Variants in RBSN observed in about 807,000 individuals in gnomAD.
The protein encoded by RBSN is rabenosyn, RAB effector.
RBSN carries 34 observed loss-of-function variants against 60.5 expected under a neutral mutation model. The observed-to-expected ratio is 0.56, with a 90% CI of 0.43 to 0.75. RBSN has a LOEUF of 0.75. Ranked by LOEUF, RBSN falls within the 30% of genes least tolerant of loss-of-function variation. RBSN has a pLI of 0.00. For missense variants in RBSN, 845 were observed against 986.8 expected (o/e 0.86, Z 1.92); for synonymous variants, 322 against 366.9 (o/e 0.88, Z 1.40).
chr3:15,083,673 C>T (rs2043263724), intron 8 of RBSN, among the ~76,000 whole-genome samples: 1 of 152,126 alleles, frequency 6.6e-6, no homozygotes, highest in Non-Finnish European at 1.5e-5. Context: ...TCTTGAACAT[C>T]ACCTCCCAGC....
At chr3:15,095,837 C>A in intron 4 of RBSN, 136 bp downstream of exon 4, 3 of 1,150,104 alleles carry the variant, frequency 2.6e-6, no homozygotes, top group Admixed American at 2.3e-5. Context: ...AAACGCCTGG[C>A]ACATGACAAA....
chr3:15,075,152 G>T, intron 13 of RBSN: 1 of 608,582 alleles, frequency 1.6e-6, no homozygotes, highest in South Asian at 2.1e-5. Context: ...GAATAAGTTA[G>T]GGCATCAGAT....
At position 15,084,749 on chromosome 3, in the gene RBSN, CTGA is replaced by C; in HGVS notation, c.581_583del (p.Ile194del). ...AAGTCACCTACTTGCCAAGGGAAGG[CTGA>C]TGAGCTCCATACACTTCTTGCACAT... On this transcript the variant is annotated inframe_deletion, in exon 8 of 14. Coordinates refer to ENST00000253699, the MANE Select transcript of RBSN (RefSeq NM_022340.4). The surrounding 1 kb of genome is among the most constrained non-coding windows in gnomAD (Gnocchi z 4.2). The C allele has an allele frequency of 6.3e-7, 1 of 1,599,790 alleles. No homozygotes were observed. Among genetic ancestry groups the C allele is most frequent in the Non-Finnish European group, 8.5e-7 (1 of 1,174,124 alleles).
At position 15,084,445 on chromosome 3, in the gene RBSN, TAAAGAA is replaced by T. The variant is rs72132432; in HGVS notation, c.598+284_598+289del. Among the ~76,000 whole-genome samples the T allele has an allele frequency of 0.053, 8,029 of 152,230 alleles. 247 individuals carry two copies. The highest frequency in any genetic ancestry group is 0.13 in the East Asian group (653 of 5,182). ...GTGTTCACATTTTTAAAAGGTTGTTTAAAGAAAGAAGAAATGTCACAGCAACCATAT... is the reference window on the plus strand; with the variant it reads ...GTGTTCACATTTTTAAAAGGTTGTTTAGAAGAAATGTCACAGCAACCATAT... On this transcript the variant is annotated intron_variant, in intron 8 of 13. Transcript: ENST00000253699. This position sits in a 1 kb window ranked among gnomAD's most constrained non-coding sequence, Gnocchi z 4.2.
Position 15,082,753 on chromosome 3 carries a change from C to T in RBSN, c.599-145G>A. ...CTGTGGGCACGTACTGCCCCTCTGCCTTCCTGGTGTCAGACTCTGGTGAGA... is the reference window on the plus strand; with the variant it reads ...CTGTGGGCACGTACTGCCCCTCTGCTTTCCTGGTGTCAGACTCTGGTGAGA... On this transcript the variant is annotated intron_variant, in intron 8 of 13. Coordinates refer to ENST00000253699, the MANE Select transcript of RBSN (RefSeq NM_022340.4). The surrounding 1 kb of genome is among the most constrained non-coding windows in gnomAD (Gnocchi z 4.2). The T allele has an allele frequency of 1.6e-6, 2 of 1,222,990 alleles. No homozygotes were observed. The highest frequency in any genetic ancestry group is 2.2e-6 in the Non-Finnish European group (2 of 891,532). 75.8% of individuals were successfully genotyped at this position (1,222,990 alleles called of 1,614,324 possible). A position where few individuals can be genotyped will look rare whatever the true frequency, so the allele number is the denominator to read the frequency against.
rs996343493 is a variant in RBSN, at chr3:15,071,820, C to G, written c.*1962G>C. 6.6e-6 allele frequency: 1 copy of G among 152,612 alleles called. No individual in the cohort carries two copies. Among genetic ancestry groups the G allele is most frequent in the Non-Finnish European group, 1.5e-5 (1 of 68,040 alleles). The allele number at this position is 152,612 out of a possible 1,614,324, so 9.5% of individuals were successfully genotyped here. A position where few individuals can be genotyped will look rare whatever the true frequency, so the allele number is the denominator to read the frequency against. ...TAACCAGTGAAAGTATGGCCTAGAGCTAGTTACACGGCATAAAGTGACTAG... is the reference window on the plus strand; with the variant it reads ...TAACCAGTGAAAGTATGGCCTAGAGGTAGTTACACGGCATAAAGTGACTAG... On this transcript the variant is annotated 3_prime_UTR_variant, in exon 14 of 14. Transcript: ENST00000253699.
At chr3:15,080,680 A>G (rs2043181175) in intron 10 of RBSN, 52 bp downstream of exon 10, 1 of 1,562,028 alleles carries the variant, frequency 6.4e-7, no homozygotes, top group South Asian at 1.1e-5. Context: ...TTGACCTAAA[A>G]TGCCAGAAAA....
At chr3:15,094,653 G>C (rs1301786561) in intron 4 of RBSN, among the ~76,000 whole-genome samples, 9 of 152,122 alleles carry the variant, frequency 5.9e-5, no homozygotes, top group African/African-American at 2.2e-4. Context: ...AGCCTCTACA[G>C]CCAGAAGCCA....
chr3:15,097,918 A>G (rs1259473549), intron 2 of RBSN, among the ~76,000 whole-genome samples: 1 of 152,146 alleles, frequency 6.6e-6, no homozygotes, highest in Non-Finnish European at 1.5e-5. Flanking sequence ...TTCCACTGGA[A>G]TATAGCAGCC....
chr3:15,097,421 A>G (rs1037448068), intron 2 of RBSN, among the ~76,000 whole-genome samples: 3 of 152,232 alleles, frequency 2.0e-5, no homozygotes, highest in Non-Finnish European at 2.9e-5. Context: ...GTACTGAGGC[A>G]GGAGAACTGC....
chr3:15,089,478 C>CAAA (rs796324060), intron 5 of RBSN, among the ~76,000 whole-genome samples: 1 of 79,258 alleles, frequency 1.3e-5, no homozygotes, highest in African/African-American at 4.9e-5. Flanking sequence ...AAAAAAAAAA[C>CAAA]AAAAAAAAAA....
At position 15,070,879 on chromosome 3, in the gene RBSN, G is replaced by C. The variant is rs1346063101; in HGVS notation, c.*2903C>G. 1 of 152,674 alleles carries C rather than the reference G, an allele frequency of 6.5e-6. No homozygotes were observed. Among genetic ancestry groups the C allele is most frequent in the Non-Finnish European group, 1.5e-5 (1 of 68,086 alleles). The allele number at this position is 152,674 out of a possible 1,614,324, so 9.5% of individuals were successfully genotyped here. The stretch of plus-strand genomic sequence containing the variant: ...CTCTTGTCACCCAGGTTGGAGTGCA[G>C]TGGCGCAATCTTGGCTCACTGCAAC... On this transcript the variant is annotated 3_prime_UTR_variant, in exon 14 of 14. Transcript: ENST00000253699.
chr3:15,081,816 C>A (rs1006903910), intron 9 of RBSN, among the ~76,000 whole-genome samples: 2 of 152,194 alleles, frequency 1.3e-5, no homozygotes, highest in African/African-American at 4.8e-5. Flanking sequence ...AGTCTCACTC[C>A]CAGATATTCT....
chr3:15,086,082 G>T, intron 5 of RBSN, 121 bp from the exon 6 acceptor site: 1 of 263,470 alleles, frequency 3.8e-6, no homozygotes, highest in Non-Finnish European at 6.8e-6. Flanking sequence ...GCGAGACCCC[G>T]TCTCTCTCCA....
chr3:15,074,978 G>A lies in RBSN; in HGVS notation c.1207-48C>T. Reference sequence around the variant, plus strand: ...AGAAGAAACAGTCACTATGCTGGCAGCAGCCCACACTGTCACCCACCCTCT... The same window carrying A: ...AGAAGAAACAGTCACTATGCTGGCAACAGCCCACACTGTCACCCACCCTCT... On this transcript the variant is annotated intron_variant, in intron 13 of 13. Transcript: ENST00000253699. This position sits in a 1 kb window ranked among gnomAD's most constrained non-coding sequence, Gnocchi z 6.4. The A allele has an allele frequency of 6.4e-7, 1 of 1,551,104 alleles. No homozygotes were observed. The highest frequency in any genetic ancestry group is 8.7e-7 in the Non-Finnish European group (1 of 1,153,336).
chr3:15,073,520 T>C lies in RBSN; in HGVS notation c.*262A>G. On this transcript the variant is annotated 3_prime_UTR_variant, in exon 14 of 14. Coordinates refer to ENST00000253699, the MANE Select transcript of RBSN (RefSeq NM_022340.4). ...AAAGTCCCTTCAAAAGGGGTAAACC[T>C]CCGATTACAAAAGATAGTAATAATA... is the stretch of plus-strand genomic sequence containing the variant. The C allele has an allele frequency of 2.3e-6, 1 of 440,032 alleles. No homozygotes were observed. The highest frequency in any genetic ancestry group is 6.0e-4 in the Middle Eastern group (1 of 1,678). The allele number at this position is 440,032 out of a possible 1,614,324, so 27.3% of individuals were successfully genotyped here.
In RBSN at chr3:15,084,017, GC is replaced by G. The variant is rs1241887689; in HGVS notation, c.598+717del. ...TGGACAATGCCTTATAGGCTTATAGGCCAGAAATGGGCAAAAAATGACCTGT... is the reference window on the plus strand; with the variant it reads ...TGGACAATGCCTTATAGGCTTATAGGCAGAAATGGGCAAAAAATGACCTGT... On this transcript the variant is annotated intron_variant, in intron 8 of 13. Coordinates refer to ENST00000253699, the MANE Select transcript of RBSN (RefSeq NM_022340.4). The surrounding 1 kb of genome is among the most constrained non-coding windows in gnomAD (Gnocchi z 4.2). Among the ~76,000 whole-genome samples the G allele has an allele frequency of 1.3e-5, 2 of 152,222 alleles. No homozygotes were observed. Among genetic ancestry groups the G allele is most frequent in the East Asian group, 3.9e-4 (2 of 5,194 alleles).
intron 10 of RBSN, among the ~76,000 whole-genome samples, chr3:15,078,427 C>T (rs757545507): frequency 6.6e-6 from 1 of 152,096 alleles, no homozygotes. Context: ...AAAACAAATG[C>T]GGCTGAATTT....
Position 15,080,812 on chromosome 3 carries a change from A to G in RBSN, c.841-10T>C, listed in dbSNP as rs1314440344. On this transcript the variant is annotated splice_polypyrimidine_tract_variant and intron_variant, in intron 9 of 13. Coordinates refer to ENST00000253699, the MANE Select transcript of RBSN (RefSeq NM_022340.4). ...TGCAAAGTCGTAATTTCTAAGAACAAAAACAAAGAGGTAAGTGGTATGCTC... is the reference window on the plus strand; with the variant it reads ...TGCAAAGTCGTAATTTCTAAGAACAGAAACAAAGAGGTAAGTGGTATGCTC... 2.5e-6 allele frequency: 4 copies of G among 1,613,700 alleles called. No individual in the cohort carries two copies. Among genetic ancestry groups the G allele is most frequent in the Admixed American group, 1.7e-5 (1 of 60,002 alleles).
Sources: allele counts gnomAD v4.1 joint callset (sites outside exome capture counted in the v4.1 genomes callset), GRCh38; gene constraint gnomAD v4.1.1; non-coding constraint Gnocchi (gnomAD v3.1); transcripts MANE v1.5; gene names NCBI Gene and HGNC (gene_info 2026-07-23, HGNC 2026-07-21).